The following ATXN2L variants were observed in gnomAD, a reference collection of about 807,000 sequenced individuals.
ATXN2L encodes the protein ataxin-2-like protein.
In ATXN2L, 24 loss-of-function variants were observed where a neutral mutation model predicts 120.7. The ratio of observed to expected loss-of-function variants is 0.20; its 90% confidence interval spans 0.14 to 0.28. The LOEUF (loss-of-function observed/expected upper bound fraction) is 0.28. ATXN2L is among the 10% of genes least tolerant of loss of function. The probability of loss-of-function intolerance (pLI) is 1.00; values close to 1 mark genes in which losing one functional copy is unlikely to be tolerated. For synonymous variants in ATXN2L, 653 were observed against 568.1 expected (o/e 1.15, Z -2.13); for missense variants, 1,312 against 1,432.3 (o/e 0.92, Z 1.36).
intron 11 of ATXN2L, 25 bp downstream of exon 11, chr16:28,832,424 G>C (rs1327000027): frequency 6.2e-7 from 1 of 1,612,472 alleles, no homozygotes; most frequent in African/African-American, 1.3e-5. Context: ...TTTGAGTGCT[G>C]TGAATGCATA....
At chr16:28,825,262 A>G in intron 1 of ATXN2L, 104 bp from the exon 2 acceptor site, 1 of 1,086,080 alleles carries the variant, frequency 9.2e-7, no homozygotes, top group South Asian at 1.4e-5. Flanking sequence ...TGTAGTCTAA[A>G]TCAGCATCAT....
rs754997500 is a variant in ATXN2L, at chr16:28,825,698, C to T, written c.393+18C>T. 2 of 1,613,928 alleles carry T rather than the reference C, an allele frequency of 1.2e-6. No individual in the cohort carries two copies. The highest frequency in any genetic ancestry group is 1.7e-6 in the Non-Finnish European group (2 of 1,179,872). ...CTGTTGTGGTAAGTTGGTACTTAAC[C>T]CCCGGGTTGTTTAAGGAACGTAATG... On this transcript the variant is annotated intron_variant, in intron 3 of 21. Coordinates refer to ENST00000336783, the MANE Select transcript of ATXN2L (RefSeq NM_007245.4).
Position 28,836,622 on chromosome 16 carries a change from G to T in ATXN2L, c.*357G>T, listed in dbSNP as rs1177312557. ...GCCCCCGAGACACCTTGAGGAGGCC[G>T]CTCCTTCCCAGACACACCCCCACGC... On this transcript the variant is annotated 3_prime_UTR_variant, in exon 22 of 22. Transcript: ENST00000336783. 1.3e-6 allele frequency: 2 copies of T among 1,599,508 alleles called. No homozygotes were observed. Among genetic ancestry groups the T allele is most frequent in the African/African-American group, 1.3e-5 (1 of 74,510 alleles).
In ATXN2L at chr16:28,826,872, C is replaced by T; in HGVS notation, c.627C>T (p.Thr209=). The T allele has an allele frequency of 2.5e-6, 4 of 1,582,430 alleles. No homozygotes were observed. Among genetic ancestry groups the T allele is most frequent in the Non-Finnish European group, 3.4e-6 (4 of 1,160,554 alleles). Residue 209 remains threonine, a synonymous_variant, in exon 6 of 22, where the codon ACC becomes ACT. Coordinates refer to ENST00000336783, the MANE Select transcript of ATXN2L (RefSeq NM_007245.4). The part of the protein sequence containing the change: ...DFNYATKDKF[T]DSAIAMNSKV... ...CCTCTGCCCCCACAGACAAGTTCAC[C>T]GATTCAGCCATTGCCATGAACTCGA...
intron 16 of ATXN2L, 21 bp from the exon 17 acceptor site, chr16:28,834,322 C>T: frequency 1.2e-6 from 2 of 1,613,076 alleles, no homozygotes; most frequent in Non-Finnish European, 1.7e-6. Context: ...CATTCAGCCT[C>T]ATCTGTGTCC....
chr16:28,824,586 T>G (rs757977152), intron 1 of ATXN2L: 1 of 1,264,582 alleles, frequency 7.9e-7, no homozygotes, highest in Non-Finnish European at 1.0e-6. Flanking sequence ...GGGGATGGGG[T>G]GTGGAGGGGA....
intron 18 of ATXN2L, 66 bp downstream of exon 18, chr16:28,834,759 G>A (rs1959416178): frequency 2.0e-6 from 3 of 1,519,934 alleles, no homozygotes; most frequent in South Asian, 2.5e-5. Context: ...CTTCTCCAGA[G>A]ACTTGGGAGC....
Position 28,823,271 on chromosome 16 carries a change from T to C in ATXN2L, c.12T>C (p.Pro4=). Residue 4 remains proline (P), a synonymous_variant, in exon 1 of 22, where the codon CCT becomes CCC. Transcript: ENST00000336783. ...CGGACGCTGCCATCATGTTGAAGCC[T>C]CAGCCGCTACAACAGCCCTCCCAGC... The part of the protein sequence containing the change: MLK[P]QPLQQPSQPQ... 6.7e-7 allele frequency: 1 copy of C among 1,492,584 alleles called. No individual in the cohort carries two copies. Among genetic ancestry groups the C allele is most frequent in the Non-Finnish European group, 8.9e-7 (1 of 1,121,292 alleles). 92.5% of individuals were successfully genotyped at this position (1,492,584 alleles called of 1,614,324 possible). A position where few individuals can be genotyped will look rare whatever the true frequency, so the allele number is the denominator to read the frequency against.
Position 28,833,299 on chromosome 16 carries a change from A to C in ATXN2L, c.1900A>C (p.Ser634Arg). 4 of 1,614,174 alleles carry C rather than the reference A, an allele frequency of 2.5e-6. No individual in the cohort carries two copies. The highest frequency in any genetic ancestry group is 3.4e-6 in the Non-Finnish European group (4 of 1,180,006). Reference protein sequence around the residue: ...PPPPCPSQTGSPPVGLIKGED... With the variant: ...PPPPCPSQTGRPPVGLIKGED... Reference sequence around the variant, plus strand: ...ACCACCTTGTCCAAGCCAAACTGGCAGCCCCCCGGTGGGCCTCATCAAGGG... The same window carrying C: ...ACCACCTTGTCCAAGCCAAACTGGCCGCCCCCCGGTGGGCCTCATCAAGGG... The change falls in exon 14 of 22, where the codon AGC becomes CGC. Residue 634 changes from serine to arginine, a missense_variant. Transcript: ENST00000336783.
At chr16:28,824,614 T>A (rs1187496096) in intron 1 of ATXN2L, 6 of 1,224,194 alleles carry the variant, frequency 4.9e-6, no homozygotes, top group Non-Finnish European at 6.4e-6. Context: ...CCTCCCACAG[T>A]TTTGAGGCGT....
chr16:28,824,626 A>G, intron 1 of ATXN2L: 1 of 1,197,770 alleles, frequency 8.3e-7, no homozygotes, highest in Non-Finnish European at 1.1e-6. Flanking sequence ...TTGAGGCGTC[A>G]GGCTGCTGAA....
intron 8 of ATXN2L, 122 bp from the exon 9 acceptor site, chr16:28,830,493 G>A: frequency 1.1e-6 from 1 of 935,964 alleles, no homozygotes; most frequent in Non-Finnish European, 1.6e-6. Flanking sequence ...GGATGGTGCT[G>A]GAGCCAGGCA....
intron 6 of ATXN2L, among the ~76,000 whole-genome samples, chr16:28,827,250 A>G (rs978483284): frequency 2.0e-5 from 3 of 152,100 alleles, no homozygotes; most frequent in African/African-American, 4.8e-5. Context: ...TCTGGGCAAC[A>G]TGGTGAAACC....
Position 28,823,391 on chromosome 16 carries a change from C to T in ATXN2L, c.132C>T (p.Thr44=). The part of the protein sequence containing the change: ...PNGGLPGPLA[T]SAAPPGPPAA... ...GCGGCCTCCCGGGGCCGCTGGCCAC[C>T]TCTGCGGCTCCTCCCGGGCCTCCAG... Residue 44 remains threonine (T), a synonymous_variant, in exon 1 of 22, where the codon ACC becomes ACT. Coordinates refer to ENST00000336783, the MANE Select transcript of ATXN2L (RefSeq NM_007245.4). 1 of 1,335,804 alleles carries T rather than the reference C, an allele frequency of 7.5e-7. No individual in the cohort carries two copies. The highest frequency in any genetic ancestry group is 9.5e-7 in the Non-Finnish European group (1 of 1,047,430). The allele number at this position is 1,335,804 out of a possible 1,614,324, so 82.7% of individuals were successfully genotyped here.
chr16:28,833,886 C>T, intron 15 of ATXN2L, 179 bp from the exon 16 acceptor site: 1 of 775,746 alleles, frequency 1.3e-6, no homozygotes, highest in East Asian at 2.7e-5. Context: ...CATTCTCTGC[C>T]TCACCTGTAA....
Position 28,834,706 on chromosome 16 carries a change from C to T in ATXN2L, c.2433+13C>T. The T allele has an allele frequency of 6.3e-7, 1 of 1,599,328 alleles. No homozygotes were observed. Among genetic ancestry groups the T allele is most frequent in the South Asian group, 1.1e-5 (1 of 90,214 alleles). ...CTACCCCTCACAGGTGACTGCGGCC[C>T]AGGAGGGCAGTGAGGATCCAGGGCC... is the stretch of plus-strand genomic sequence containing the variant. On this transcript the variant is annotated intron_variant, in intron 18 of 21. Coordinates refer to ENST00000336783, the MANE Select transcript of ATXN2L (RefSeq NM_007245.4).
rs1290601519 is a variant in ATXN2L, at chr16:28,834,390, G to C, written c.2220G>C (p.Gln740His). The change falls in exon 17 of 22, where the codon CAG becomes CAC. Residue 740 changes from glutamine to histidine, a missense_variant. Physicochemically the swap from Gln to His is conservative, Grantham distance 24. Transcript: ENST00000336783. ...CTGTATCCAATTCAGTGCCTGGGCAGCAGGGCAAGTACCGGGGAGCAAAAG... is the reference window on the plus strand; with the variant it reads ...CTGTATCCAATTCAGTGCCTGGGCACCAGGGCAAGTACCGGGGAGCAAAAG... ...PYPVSNSVPGQQGKYRGAKGS... is the reference protein window; with the variant it reads ...PYPVSNSVPGHQGKYRGAKGS... The C allele has an allele frequency of 1.1e-5, 18 of 1,614,014 alleles. No homozygotes were observed. The highest frequency in any genetic ancestry group is 1.4e-5 in the Non-Finnish European group (17 of 1,179,970).
At chr16:28,832,787 A>G in intron 12 of ATXN2L, 30 bp from the exon 13 acceptor site, 2 of 1,609,682 alleles carry the variant, frequency 1.2e-6, no homozygotes, top group Middle Eastern at 1.7e-4. Flanking sequence ...AATGTTTTGT[A>G]TTTTCTTCTT....
chr16:28,829,244 C>T (rs2053473356), intron 6 of ATXN2L, among the ~76,000 whole-genome samples, 157 bp from the exon 7 acceptor site: 1 of 152,144 alleles, frequency 6.6e-6, no homozygotes, highest in African/African-American at 2.4e-5. Flanking sequence ...CTCAGGAGAG[C>T]CTCCTGCCTC....
Sources: gnomAD v4.1 joint callset for allele counts (sites outside exome capture counted in the v4.1 genomes callset) on GRCh38, gnomAD v4.1.1 for gene constraint, MANE v1.5 for transcripts, NCBI Gene and HGNC (gene_info 2026-07-23, HGNC 2026-07-21) for gene names.